The following HIPK2 variants were observed in gnomAD, a reference collection of about 807,000 sequenced individuals.
HIPK2 encodes homeodomain interacting protein kinase 2.
Under a neutral mutation model 113.7 loss-of-function variants are expected in HIPK2, and 27 were observed. That is an observed-to-expected ratio of 0.24 (90% CI 0.17 to 0.33). HIPK2 has a LOEUF of 0.33. Ranked by LOEUF, HIPK2 falls within the 10% of genes least tolerant of loss-of-function variation. The pLI is 1.00. For synonymous variants in HIPK2, 631 were observed against 642.2 expected, an observed-to-expected ratio of 0.98 and a Z score of 0.26; for missense variants, 1,257 against 1,588.0, an observed-to-expected ratio of 0.79 and a Z score of 3.54.
At chr7:139,712,796 G>C (rs1263966870) in intron 2 of HIPK2, among the ~76,000 whole-genome samples, 1 of 152,234 alleles carries the variant, frequency 6.6e-6, no homozygotes, top group Non-Finnish European at 1.5e-5. Context: ...GGGACGAAAA[G>C]AGACAGAGCA....
intron 2 of HIPK2, among the ~76,000 whole-genome samples, chr7:139,665,558 A>ACATC (rs71170908): frequency 0.12 from 17,049 of 148,124 alleles, 1,115 homozygotes; most frequent in East Asian, 0.22. Flanking sequence ...CCTCCTGGCC[A>ACATC]CATCCATCCA....
chr7:139,731,078 G>A (rs1180628678), intron 1 of HIPK2, among the ~76,000 whole-genome samples: 1 of 152,218 alleles, frequency 6.6e-6, no homozygotes, highest in East Asian at 1.9e-4. Flanking sequence ...CCTATTAATA[G>A]TTTGTGTTAA....
At chr7:139,734,623 G>A (rs1351307956) in intron 1 of HIPK2, among the ~76,000 whole-genome samples, 2 of 152,162 alleles carry the variant, frequency 1.3e-5, no homozygotes, top group Non-Finnish European at 2.9e-5. Context: ...ATAACCATGG[G>A]TATTATTCAT....
chr7:139,730,852 A>G (rs1795755553), intron 1 of HIPK2, among the ~76,000 whole-genome samples: 1 of 152,196 alleles, frequency 6.6e-6, no homozygotes, highest in Admixed American at 6.5e-5. Context: ...TCCTTGTAAG[A>G]GGAGACACAG....
At chr7:139,605,813 TAC>T (rs911601181) in intron 9 of HIPK2, among the ~76,000 whole-genome samples, 3 of 152,254 alleles carry the variant, frequency 2.0e-5, no homozygotes, top group Non-Finnish European at 2.9e-5. Flanking sequence ...CGCTATTAAC[TAC>T]AGTTAATTGT....
chr7:139,605,179 A>G (rs1160981210), intron 9 of HIPK2, among the ~76,000 whole-genome samples: 6 of 151,986 alleles, frequency 3.9e-5, no homozygotes, highest in South Asian at 2.1e-4. Flanking sequence ...GCTTGAACCT[A>G]ATTTTTCTAA....
rs574237870 is a variant in HIPK2, at chr7:139,568,750, G to A, written c.*4177C>T. 7.2e-5 allele frequency: 11 copies of A among 152,338 alleles called. No homozygotes were observed. Among genetic ancestry groups the A allele is most frequent in the African/African-American group, 2.2e-4 (9 of 41,562 alleles). 9.4% of individuals were successfully genotyped at this position (152,338 alleles called of 1,614,324 possible). On this transcript the variant is annotated 3_prime_UTR_variant, in exon 15 of 15. Coordinates refer to ENST00000406875, the MANE Select transcript of HIPK2 (RefSeq NM_022740.5). ...GCTAAGGTGACTCAATGGCAGATTCGGCCAGGTATGCAATTGGGCATCCAG... is the reference window on the plus strand; with the variant it reads ...GCTAAGGTGACTCAATGGCAGATTCAGCCAGGTATGCAATTGGGCATCCAG...
intron 6 of HIPK2, among the ~76,000 whole-genome samples, chr7:139,622,236 G>A (rs10085815): frequency 0.017 from 2,611 of 152,240 alleles, 74 homozygotes; most frequent in African/African-American, 0.059. Context: ...CACTGGCTGC[G>A]TCATGCACAC....
In HIPK2 at chr7:139,571,933, C is replaced by A. The variant is rs937076545; in HGVS notation, c.*994G>T. The A allele has an allele frequency of 6.6e-6, 1 of 152,342 alleles. No individual in the cohort carries two copies. Among genetic ancestry groups the A allele is most frequent in the East Asian group, 1.9e-4 (1 of 5,176 alleles). The allele number at this position is 152,342 out of a possible 1,614,324, so 9.4% of individuals were successfully genotyped here. On this transcript the variant is annotated 3_prime_UTR_variant, in exon 15 of 15. Coordinates refer to ENST00000406875, the MANE Select transcript of HIPK2 (RefSeq NM_022740.5). ...CCTGCACCGCCACATTGGTTACATGCCTATGTTATATCGCTTTTTTTTGTG... is the reference window on the plus strand; with the variant it reads ...CCTGCACCGCCACATTGGTTACATGACTATGTTATATCGCTTTTTTTTGTG...
At chr7:139,713,231 C>T (rs868507498) in intron 2 of HIPK2, among the ~76,000 whole-genome samples, 6 of 152,126 alleles carry the variant, frequency 3.9e-5, no homozygotes, top group Non-Finnish European at 8.8e-5. Flanking sequence ...CCACCAGAGG[C>T]GTCCAAAAGG....
intron 1 of HIPK2, among the ~76,000 whole-genome samples, chr7:139,743,849 G>C (rs77358405): frequency 0.024 from 3,584 of 152,236 alleles, 125 homozygotes; most frequent in African/African-American, 0.081. Flanking sequence ...GAGAGACCTG[G>C]AATGAGGAAC....
At chr7:139,602,142 G>A (rs1799450741) in intron 10 of HIPK2, among the ~76,000 whole-genome samples, 1 of 151,860 alleles carries the variant, frequency 6.6e-6, no homozygotes, top group South Asian at 2.1e-4. Flanking sequence ...TAGTAGAGGC[G>A]GGGTTTCGCC....
intron 1 of HIPK2, among the ~76,000 whole-genome samples, chr7:139,750,998 A>C (rs1796269529): frequency 1.3e-5 from 2 of 152,076 alleles, no homozygotes; most frequent in South Asian, 2.1e-4. Flanking sequence ...TTTCTTCCTA[A>C]CTTTGAACTT....
At chr7:139,672,660 A>G (rs150564919) in intron 2 of HIPK2, among the ~76,000 whole-genome samples, 2,741 of 152,260 alleles carry the variant, frequency 0.018, 46 homozygotes, top group Non-Finnish European at 0.032. Context: ...GGGTTTCGCC[A>G]TGTTGGCCAG....
At chr7:139,600,990 C>T (rs1394693225) in intron 10 of HIPK2, among the ~76,000 whole-genome samples, 1 of 152,128 alleles carries the variant, frequency 6.6e-6, no homozygotes, top group Non-Finnish European at 1.5e-5. Flanking sequence ...CACCTGTAAT[C>T]CCAGCACTCT....
At position 139,714,223 on chromosome 7, in the gene HIPK2, G is replaced by C. The variant is rs192177203; in HGVS notation, c.1103+1709C>G. 1.3e-5 allele frequency among the ~76,000 whole-genome samples: 2 copies of C among 152,220 alleles called. No individual in the cohort carries two copies. Among genetic ancestry groups the C allele is most frequent in the Admixed American group, 6.5e-5 (1 of 15,286 alleles). ...TCAGGGCAGGGCAGAGAAGAGGCTC[G>C]CAGAGAGCTGTTCTAACTCAGGAAA... On this transcript the variant is annotated intron_variant, in intron 2 of 14. Transcript: ENST00000406875. The surrounding 1 kb of genome is among the most constrained non-coding windows in gnomAD (Gnocchi z 4.2).
rs183976395 is a variant in HIPK2, at chr7:139,597,672, G to A, written c.2436-674C>T. On this transcript the variant is annotated intron_variant, in intron 11 of 14. Coordinates refer to ENST00000406875, the MANE Select transcript of HIPK2 (RefSeq NM_022740.5). ...TGCCTCGTGGAGCCTCATGGGAGGCGCATTAGTCTAAATTGTAATAGAAAA... is the reference window on the plus strand; with the variant it reads ...TGCCTCGTGGAGCCTCATGGGAGGCACATTAGTCTAAATTGTAATAGAAAA... Among the ~76,000 whole-genome samples the A allele has an allele frequency of 4.6e-5, 7 of 152,242 alleles. No individual in the cohort carries two copies. In the South Asian group the frequency reaches 6.2e-4, roughly 14 times the overall value.
At chr7:139,623,009 T>G (rs1800288959) in intron 6 of HIPK2, among the ~76,000 whole-genome samples, 1 of 152,194 alleles carries the variant, frequency 6.6e-6, no homozygotes, top group Admixed American at 6.5e-5. Flanking sequence ...CTGACTGTTT[T>G]GGTGCAGACG....
At chr7:139,625,466 T>C (rs1223623306) in intron 6 of HIPK2, among the ~76,000 whole-genome samples, 1 of 152,248 alleles carries the variant, frequency 6.6e-6, no homozygotes, top group African/African-American at 2.4e-5. Flanking sequence ...GAGTTCCCAT[T>C]GCTTTTTGGA....
Sources: gnomAD v4.1 joint callset for allele counts (sites outside exome capture counted in the v4.1 genomes callset) on GRCh38, gnomAD v4.1.1 for gene constraint, Gnocchi (gnomAD v3.1) non-coding constraint, MANE v1.5 for transcripts, NCBI Gene and HGNC (gene_info 2026-07-23, HGNC 2026-07-21) for gene names.